Variants in TARS3 observed in about 807,000 individuals in gnomAD.
TARS3 encodes threonine--tRNA ligase 2, cytoplasmic.
TARS3 carries 94 observed loss-of-function variants against 103.5 expected under a neutral mutation model. The observed-to-expected ratio is 0.91, with a 90% CI of 0.77 to 1.08. The LOEUF is 1.08. Ranked by LOEUF, TARS3 falls within the 50% of genes least tolerant of loss-of-function variation. The probability of loss-of-function intolerance (pLI) is 0.00; values close to 1 mark genes in which losing one functional copy is unlikely to be tolerated. For synonymous variants in TARS3, 416 were observed against 355.4 expected (o/e 1.17, Z -1.92); for missense variants, 952 against 995.2 (o/e 0.96, Z 0.58).
chr15:101,675,750 CAAATG>C lies in TARS3; in HGVS notation c.1651-18_1651-14del, dbSNP rs767202717. The C allele has an allele frequency of 6.2e-7, 1 of 1,601,056 alleles. No homozygotes were observed. Among genetic ancestry groups the C allele is most frequent in the East Asian group, 2.2e-5 (1 of 44,792 alleles). On this transcript the variant is annotated splice_polypyrimidine_tract_variant and intron_variant, in intron 12 of 18. Transcript: ENST00000335968. ...TTTCTTCTTCAATCTGAAATCAAAG[CAAATG>C]AAACATTCAAATAGAACATCAAATT...
intron 8 of TARS3, 79 bp from the exon 9 acceptor site, chr15:101,702,464 T>C: frequency 8.0e-7 from 1 of 1,246,890 alleles, no homozygotes; most frequent in African/African-American, 1.5e-5. Context: ...CAAATGCAAT[T>C]TTCCACTATC....
intron 6 of TARS3, 26 bp from the exon 7 acceptor site, chr15:101,705,773 T>C (rs1899527156): frequency 4.6e-6 from 7 of 1,531,954 alleles, no homozygotes; most frequent in South Asian, 1.1e-5. Flanking sequence ...TATTTACACA[T>C]TATTACACAC....
intron 13 of TARS3, 67 bp downstream of exon 13, chr15:101,675,533 G>A: frequency 1.3e-6 from 2 of 1,484,108 alleles, no homozygotes; most frequent in South Asian, 2.5e-5. Context: ...CTCCTGTGAA[G>A]ACTGCAGCCT....
intron 3 of TARS3, among the ~76,000 whole-genome samples, chr15:101,719,933 T>A (rs1369485736): frequency 6.6e-6 from 1 of 152,178 alleles, no homozygotes; most frequent in Non-Finnish European, 1.5e-5. Flanking sequence ...TGAGGTGGGA[T>A]CCCCAAATTT....
intron 13 of TARS3, among the ~76,000 whole-genome samples, chr15:101,674,221 G>A (rs1897931123): frequency 6.6e-6 from 1 of 152,166 alleles, no homozygotes; most frequent in Non-Finnish European, 1.5e-5. Context: ...GTATCACAGT[G>A]CTTATGTTCA....
rs947778099 is a variant in TARS3, at chr15:101,705,826, C to T, written c.931-79G>A. 3 of 1,198,130 alleles carry T rather than the reference C, an allele frequency of 2.5e-6. No homozygotes were observed. In the African/African-American group the frequency reaches 4.5e-5, roughly 18 times the overall value. 74.2% of individuals were successfully genotyped at this position (1,198,130 alleles called of 1,614,324 possible). A position where few individuals can be genotyped will look rare whatever the true frequency, so the allele number is the denominator to read the frequency against. ...AACAACTCTACTTTTCTTCAAGAAA[C>T]ATTGAAAGGTCATCTACTGATGTTC... On this transcript the variant is annotated intron_variant, in intron 6 of 18. Transcript: ENST00000335968.
chr15:101,718,668 A>G (rs182935072), intron 3 of TARS3, among the ~76,000 whole-genome samples: 1 of 152,262 alleles, frequency 6.6e-6, no homozygotes, highest in Non-Finnish European at 1.5e-5. Context: ...CCCTCCCACA[A>G]GCCTCTGCTT....
At chr15:101,704,938 A>G (rs1444568304) in intron 7 of TARS3, among the ~76,000 whole-genome samples, 2 of 152,226 alleles carry the variant, frequency 1.3e-5, no homozygotes, top group East Asian at 1.9e-4. Flanking sequence ...CCAGAGAACC[A>G]TAAGTCCTTG....
intron 3 of TARS3, among the ~76,000 whole-genome samples, chr15:101,720,210 G>T (rs1900378069): frequency 6.6e-6 from 1 of 152,142 alleles, no homozygotes. Context: ...AATTTCAGTT[G>T]TTGAAACAGT....
intron 11 of TARS3, among the ~76,000 whole-genome samples, chr15:101,685,578 C>G (rs562668903): frequency 4.5e-4 from 68 of 152,198 alleles, no homozygotes; most frequent in African/African-American, 1.5e-3. Flanking sequence ...ACTAAATATT[C>G]TGCAAATATG....
rs761525914 is a variant in TARS3 at position 101,724,160 on chromosome 15, G to C, written c.228C>G (p.Ala76=). The change falls in exon 1 of 19, where the codon GCC becomes GCG. Residue 76 remains alanine, a synonymous_variant. Transcript: ENST00000335968. The stretch of plus-strand genomic sequence containing the variant: ...GCGTGGCCTGGCGGCTCCGCTCCTC[G>C]GCGAGGCACAGCCGCAGGCTGCACA... The part of the protein sequence containing the change: ...HRLCSLRLCL[A]EERSRQATLE... 53 of 1,478,628 alleles carry C rather than the reference G, an allele frequency of 3.6e-5. No homozygotes were observed. The highest frequency in any genetic ancestry group is 8.4e-5 in the East Asian group (3 of 35,710). 91.6% of individuals were successfully genotyped at this position (1,478,628 alleles called of 1,614,324 possible). A position where few individuals can be genotyped will look rare whatever the true frequency, so the allele number is the denominator to read the frequency against.
chr15:101,671,651 G>A lies in TARS3; in HGVS notation c.1866+20C>T. Reference sequence around the variant, plus strand: ...TTTTTCTTTTACATTTTGCTGTTTTGAAGCATGTGGTCGACTCACTTTAGG... The same window carrying A: ...TTTTTCTTTTACATTTTGCTGTTTTAAAGCATGTGGTCGACTCACTTTAGG... On this transcript the variant is annotated intron_variant, in intron 14 of 18. Coordinates refer to ENST00000335968, the MANE Select transcript of TARS3 (RefSeq NM_152334.3). 1 of 1,613,456 alleles carries A rather than the reference G, an allele frequency of 6.2e-7. No homozygotes were observed. Among genetic ancestry groups the A allele is most frequent in the South Asian group, 1.1e-5 (1 of 90,972 alleles).
chr15:101,724,348 G>A lies in TARS3; in HGVS notation c.40C>T (p.Arg14Cys), dbSNP rs1900664938. Residue 14 changes from arginine (R) to cysteine (C), a missense_variant, in exon 1 of 19, where the codon CGC becomes TGC. Transcript: ENST00000335968. ...EALAAEAVAS[R>C]LERQEEDIRW... is the part of the protein sequence containing the mutation. The stretch of plus-strand genomic sequence containing the variant: ...ATGTCCTCCTCCTGCCGCTCCAGGC[G>A]CGACGCCACGGCCTCCGCCGCCAGG... 4.5e-6 allele frequency: 7 copies of A among 1,552,166 alleles called. No homozygotes were observed. The highest frequency in any genetic ancestry group is 6.1e-6 in the Non-Finnish European group (7 of 1,155,934).
rs1475921106 is a variant in TARS3, at chr15:101,724,461, C to A, written c.-74G>T. 6 of 1,349,956 alleles carry A rather than the reference C, an allele frequency of 4.4e-6. No homozygotes were observed. The highest frequency in any genetic ancestry group is 4.1e-5 in the Admixed American group (1 of 24,518). The allele number at this position is 1,349,956 out of a possible 1,614,324, so 83.6% of individuals were successfully genotyped here. A position where few individuals can be genotyped will look rare whatever the true frequency, so the allele number is the denominator to read the frequency against. Reference sequence around the variant, plus strand: ...GCGAGGGCGACGCGGACACTCAGCGCACGGCAGAAGACAGGGCTCCCGGGA... The same window carrying A: ...GCGAGGGCGACGCGGACACTCAGCGAACGGCAGAAGACAGGGCTCCCGGGA... On this transcript the variant is annotated 5_prime_UTR_variant, in exon 1 of 19. Coordinates refer to ENST00000335968, the MANE Select transcript of TARS3 (RefSeq NM_152334.3).
chr15:101,680,668 A>G (rs1898223317), intron 12 of TARS3, among the ~76,000 whole-genome samples: 1 of 152,148 alleles, frequency 6.6e-6, no homozygotes, highest in African/African-American at 2.4e-5. Context: ...TTTCTTATTG[A>G]GGTTTGAATA....
chr15:101,676,497 TTTTTG>T (rs902816305), intron 12 of TARS3, among the ~76,000 whole-genome samples: 1 of 151,972 alleles, frequency 6.6e-6, no homozygotes, highest in African/African-American at 2.4e-5. Flanking sequence ...AATGGCTAGT[TTTTTG>T]TTTTGTTTTG....
chr15:101,712,506 T>C (rs963035281), intron 4 of TARS3, among the ~76,000 whole-genome samples: 1 of 152,296 alleles, frequency 6.6e-6, no homozygotes, highest in East Asian at 1.9e-4. Flanking sequence ...GTGTGTTGAA[T>C]AGCATGTGAC....
In TARS3 at chr15:101,724,109, C is replaced by T. The variant is rs1179736079; in HGVS notation, c.279G>A (p.Ala93=). ...CGGTTACCTGTGCGCCGGCCTCCTG[C>T]GCCGCCTCTAGCTCCGCGCTCTCCA... ...ATLESAELEA[A]QEAGAQPPPS... is the part of the protein sequence containing the mutation. The change falls in exon 1 of 19, where the codon GCG becomes GCA. Residue 93 remains alanine (A), a synonymous_variant. Transcript: ENST00000335968. The T allele has an allele frequency of 7.2e-7, 1 of 1,379,510 alleles. No homozygotes were observed. Among genetic ancestry groups the T allele is most frequent in the Non-Finnish European group, 9.4e-7 (1 of 1,067,388 alleles). 85.5% of individuals were successfully genotyped at this position (1,379,510 alleles called of 1,614,324 possible). A position where few individuals can be genotyped will look rare whatever the true frequency, so the allele number is the denominator to read the frequency against.
At chr15:101,709,339 A>G (rs1479764304) in intron 5 of TARS3, among the ~76,000 whole-genome samples, 1 of 152,226 alleles carries the variant, frequency 6.6e-6, no homozygotes, top group East Asian at 1.9e-4. Flanking sequence ...TGCTCCCAGC[A>G]GCACTCAGCC....
Sources: allele counts gnomAD v4.1 joint callset (sites outside exome capture counted in the v4.1 genomes callset), GRCh38; gene constraint gnomAD v4.1.1; transcripts MANE v1.5; gene names NCBI Gene and HGNC (gene_info 2026-07-23, HGNC 2026-07-21).